The following SLC44A5 variants were observed in gnomAD, a reference collection of about 807,000 sequenced individuals.
SLC44A5 encodes the protein solute carrier family 44 member 5, also known as choline transporter-like protein 5.
A neutral mutation model predicts 101.8 loss-of-function variants in SLC44A5; 57 were observed. The ratio of observed to expected loss-of-function variants is 0.56; its 90% CI spans 0.45 to 0.70. The LOEUF is 0.70. Ranked by LOEUF, SLC44A5 falls within the 30% of genes least tolerant of loss-of-function variation. The pLI is 0.00. For synonymous variants in SLC44A5, 281 were observed against 290.9 expected (o/e 0.97, Z 0.35); for missense variants, 737 against 853.1 (o/e 0.86, Z 1.70).
chr1:75,215,890 A>C, intron 18 of SLC44A5, 33 bp from the exon 19 acceptor site: 1 of 1,155,402 alleles, frequency 8.7e-7, no homozygotes, highest in Non-Finnish European at 1.3e-6. Flanking sequence ...TCTATTAATG[A>C]TTTGCAGCTG....
At chr1:75,286,042 G>A (rs1653014029) in intron 5 of SLC44A5, among the ~76,000 whole-genome samples, 1 of 152,046 alleles carries the variant, frequency 6.6e-6, no homozygotes, top group Admixed American at 6.6e-5. Context: ...TTGTCTTGAT[G>A]ACCTGTTTCG....
At chr1:75,451,771 A>C (rs558150810) in intron 2 of SLC44A5, among the ~76,000 whole-genome samples, 1 of 152,224 alleles carries the variant, frequency 6.6e-6, no homozygotes, top group African/African-American at 2.4e-5. Flanking sequence ...TTGAAGACTG[A>C]TCTTTCTAAC....
intron 6 of SLC44A5, among the ~76,000 whole-genome samples, chr1:75,254,270 C>G (rs1649828774): frequency 1.3e-5 from 2 of 152,080 alleles, no homozygotes; most frequent in South Asian, 4.1e-4. Context: ...AACTCCTGAC[C>G]TCAGGTGATC....
intron 1 of SLC44A5, among the ~76,000 whole-genome samples, chr1:75,565,537 G>A (rs1435846345): frequency 1.3e-5 from 2 of 152,116 alleles, no homozygotes; most frequent in Admixed American, 1.3e-4. Context: ...TTCTGTAAAG[G>A]GGTCCTTGGC....
chr1:75,509,909 A>C (rs1669472916), intron 2 of SLC44A5, among the ~76,000 whole-genome samples: 1 of 152,218 alleles, frequency 6.6e-6, no homozygotes, highest in African/African-American at 2.4e-5. Flanking sequence ...TGGGTAATTT[A>C]TAAAGGAAAG....
chr1:75,706,987 CT>C, the SLC44A5 span, among the ~76,000 whole-genome samples: 1 of 152,086 alleles, frequency 6.6e-6, no homozygotes, highest in Non-Finnish European at 1.5e-5. Flanking sequence ...AAACTTCATG[CT>C]TGCTACCTAG....
chr1:75,477,963 A>G (rs1667542245), intron 2 of SLC44A5, among the ~76,000 whole-genome samples: 1 of 152,064 alleles, frequency 6.6e-6, no homozygotes, highest in African/African-American at 2.4e-5. Context: ...GATTCACCAA[A>G]GTTGAAATGA....
At chr1:75,291,713 A>G (rs905033436) in intron 5 of SLC44A5, among the ~76,000 whole-genome samples, 1 of 152,070 alleles carries the variant, frequency 6.6e-6, no homozygotes, top group Admixed American at 6.6e-5. Flanking sequence ...TGTGGTGCTT[A>G]CACAGAAAGC....
At chr1:75,608,490 C>T (rs146211317) in intron 1 of SLC44A5, among the ~76,000 whole-genome samples, 147 of 151,984 alleles carry the variant, frequency 9.7e-4, no homozygotes, top group Non-Finnish European at 2.0e-3. Context: ...ACACAGTCGC[C>T]GTAGCAATTA....
chr1:75,398,108 G>A (rs768794254), intron 2 of SLC44A5, among the ~76,000 whole-genome samples: 3 of 152,058 alleles, frequency 2.0e-5, no homozygotes, highest in East Asian at 1.9e-4. Flanking sequence ...GATACAATAC[G>A]GACTACCTTT....
At chr1:75,618,896 CCCATCT>C in the SLC44A5 span, among the ~76,000 whole-genome samples, 7 of 151,860 alleles carry the variant, frequency 4.6e-5, no homozygotes, top group African/African-American at 1.5e-4. Context: ...ATGGTGAAAC[CCCATCT>C]CCACAAAAAA....
At chr1:75,357,847 A>G (rs1659194039) in intron 3 of SLC44A5, among the ~76,000 whole-genome samples, 1 of 152,196 alleles carries the variant, frequency 6.6e-6, no homozygotes, top group Non-Finnish European at 1.5e-5. Flanking sequence ...ATCTCATTAC[A>G]AAAAGATAAG....
At chr1:75,508,164 C>T (rs1333880964) in intron 2 of SLC44A5, among the ~76,000 whole-genome samples, 1 of 152,114 alleles carries the variant, frequency 6.6e-6, no homozygotes, top group African/African-American at 2.4e-5. Context: ...ACCAATCATA[C>T]TCTTGGACCA....
chr1:75,488,463 T>C (rs1668269766), intron 2 of SLC44A5, among the ~76,000 whole-genome samples: 2 of 152,198 alleles, frequency 1.3e-5, no homozygotes, highest in Admixed American at 1.3e-4. Context: ...GGGATCACCA[T>C]TGCATACGTG....
intron 3 of SLC44A5, among the ~76,000 whole-genome samples, chr1:75,393,104 C>G (rs1661901263): frequency 6.6e-6 from 1 of 152,120 alleles, no homozygotes; most frequent in South Asian, 2.1e-4. Flanking sequence ...CCCAAACCCT[C>G]ACGTCATGCA....
At chr1:75,639,661 C>T in the SLC44A5 span, among the ~76,000 whole-genome samples, 1 of 152,248 alleles carries the variant, frequency 6.6e-6, no homozygotes, top group Non-Finnish European at 1.5e-5. Flanking sequence ...CTTTTACATG[C>T]TAAACCTGGC....
intron 5 of SLC44A5, among the ~76,000 whole-genome samples, chr1:75,284,860 C>A (rs1368595319): frequency 6.6e-6 from 1 of 152,002 alleles, no homozygotes; most frequent in Non-Finnish European, 1.5e-5. Flanking sequence ...GTATGAAACC[C>A]ATTTGATCAT....
intron 2 of SLC44A5, among the ~76,000 whole-genome samples, chr1:75,476,405 C>T (rs1667403729): frequency 6.6e-6 from 1 of 152,142 alleles, no homozygotes; most frequent in Admixed American, 6.5e-5. Flanking sequence ...GGGCGCAGGA[C>T]AGTGGGTGCA....
intron 2 of SLC44A5, among the ~76,000 whole-genome samples, chr1:75,496,757 A>G (rs1668698393): frequency 6.6e-6 from 1 of 152,114 alleles, no homozygotes; most frequent in Admixed American, 6.5e-5. Flanking sequence ...TATCCAAAAT[A>G]TATAAGAAAC....
Sources: gnomAD v4.1 joint callset for allele counts (sites outside exome capture counted in the v4.1 genomes callset) on GRCh38, gnomAD v4.1.1 for gene constraint, MANE v1.5 for transcripts, NCBI Gene and HGNC (gene_info 2026-07-23, HGNC 2026-07-21) for gene names.